Variants in NLRP12 observed in about 807,000 individuals in gnomAD.
The protein encoded by NLRP12 is NACHT, LRR and PYD domains-containing protein 12.
Under a neutral mutation model 91.2 loss-of-function variants are expected in NLRP12, and 108 were observed. The ratio of observed to expected loss-of-function variants is 1.18; its 90% confidence interval spans 1.01 to 1.39. NLRP12 has a LOEUF of 1.39. NLRP12 is among the 40% of genes most tolerant of loss of function. The probability of loss-of-function intolerance (pLI) is 0.00; values close to 1 mark genes in which losing one functional copy is unlikely to be tolerated. For missense variants in NLRP12, 1,530 were observed against 1,352.7 expected, an observed-to-expected ratio of 1.13 and a Z score of -2.06; for synonymous variants, 613 against 566.7, an observed-to-expected ratio of 1.08 and a Z score of -1.16.
At chr19:53,815,910 ACT>A (rs1161186055) in intron 1 of NLRP12, among the ~76,000 whole-genome samples, 1 of 147,774 alleles carries the variant, frequency 6.8e-6, no homozygotes, top group Non-Finnish European at 1.5e-5. Flanking sequence ...GCGCCTGGCG[ACT>A]CTGTCTCTTA....
intron 4 of NLRP12, 61 bp downstream of exon 4, chr19:53,807,434 T>C (rs573159490): frequency 6.6e-7 from 1 of 1,516,956 alleles, no homozygotes; most frequent in South Asian, 1.2e-5. Context: ...CCTTTGTGAC[T>C]GATCCCCATG....
rs983609397 is a variant in NLRP12, at chr19:53,793,981, G to C, written c.*68C>G. On this transcript the variant is annotated 3_prime_UTR_variant, in exon 10 of 10. Coordinates refer to ENST00000324134, the MANE Select transcript of NLRP12 (RefSeq NM_144687.4). Reference sequence around the variant, plus strand: ...GGAAGGAGGCTGATCATTATGCTGGGGGGGTGATGAGCACCCTCCCATCTT... The same window carrying C: ...GGAAGGAGGCTGATCATTATGCTGGCGGGGTGATGAGCACCCTCCCATCTT... 7.5e-5 allele frequency: 78 copies of C among 1,046,928 alleles called. No homozygotes were observed. The highest frequency in any genetic ancestry group is 2.7e-4 in the African/African-American group (17 of 63,840). 64.9% of individuals were successfully genotyped at this position (1,046,928 alleles called of 1,614,324 possible).
At chr19:53,818,172 C>T (rs1162898934) in intron 1 of NLRP12, among the ~76,000 whole-genome samples, 1 of 151,796 alleles carries the variant, frequency 6.6e-6, no homozygotes, top group African/African-American at 2.4e-5. Flanking sequence ...CAGCCTTCAC[C>T]TCCTGGGCTT....
intron 8 of NLRP12, 122 bp downstream of exon 8, chr19:53,798,121 T>C (rs926034478): frequency 5.4e-6 from 6 of 1,120,922 alleles, no homozygotes; most frequent in African/African-American, 4.6e-5. Flanking sequence ...CCACCTCTCT[T>C]CTTGCTACCT....
chr19:53,793,844 C>G lies in NLRP12; in HGVS notation c.*205G>C, dbSNP rs564145946. ...TCGTGATCCACCTGCCTCGGCCTCT[C>G]GAAGTGCTAGGATTACATACATGAG... On this transcript the variant is annotated 3_prime_UTR_variant, in exon 10 of 10. Coordinates refer to ENST00000324134, the MANE Select transcript of NLRP12 (RefSeq NM_144687.4). 3.1e-6 allele frequency: 2 copies of G among 645,504 alleles called. No homozygotes were observed. Among genetic ancestry groups the G allele is most frequent in the Admixed American group, 2.3e-5 (1 of 44,302 alleles). 40.0% of individuals were successfully genotyped at this position (645,504 alleles called of 1,614,324 possible). A position where few individuals can be genotyped will look rare whatever the true frequency, so the allele number is the denominator to read the frequency against.
intron 1 of NLRP12, among the ~76,000 whole-genome samples, chr19:53,817,907 G>A (rs888683920): frequency 6.7e-5 from 10 of 148,834 alleles, no homozygotes; most frequent in African/African-American, 2.5e-4. Context: ...CTCAGCCTCC[G>A]GAGTAGCTGG....
chr19:53,799,052 G>A (rs1473159726), intron 7 of NLRP12, among the ~76,000 whole-genome samples: 1 of 128,874 alleles, frequency 7.8e-6, no homozygotes, highest in Admixed American at 9.4e-5. Flanking sequence ...TTGCAATGTC[G>A]CCCAGGCTGG....
Position 53,811,255 on chromosome 19 carries a change from C to T in NLRP12, c.404G>A (p.Arg135Lys). Residue 135 changes from arginine to lysine, a missense_variant, in exon 3 of 10, where the codon AGG (arginine) becomes AAG (lysine). Arg to Lys is a conservative substitution (Grantham distance 26). Transcript: ENST00000324134. ...GCGGTCTTCCATGAGCCGGAATTTCCTGCGGACATAGTCCCTGTAGGTTTC... is the reference window on the plus strand; with the variant it reads ...GCGGTCTTCCATGAGCCGGAATTTCTTGCGGACATAGTCCCTGTAGGTTTC... ...PQETYRDYVR[R>K]KFRLMEDRNA... The T allele has an allele frequency of 6.2e-7, 1 of 1,614,036 alleles. No individual in the cohort carries two copies. Among genetic ancestry groups the T allele is most frequent in the South Asian group, 1.1e-5 (1 of 91,086 alleles).
At chr19:53,819,999 T>G (rs1400854312) in intron 1 of NLRP12, among the ~76,000 whole-genome samples, 2 of 152,098 alleles carry the variant, frequency 1.3e-5, no homozygotes, top group African/African-American at 4.8e-5. Flanking sequence ...CCCAGCACAC[T>G]ACTACTGGCA....
intron 9 of NLRP12, among the ~76,000 whole-genome samples, chr19:53,795,379 AATT>A (rs1387166539): frequency 1.9e-5 from 2 of 104,998 alleles, no homozygotes; most frequent in African/African-American, 7.8e-5. Context: ...CAGACAAGGA[AATT>A]TTTTTTTTTT....
chr19:53,794,221 TG>T, intron 9 of NLRP12, 85 bp from the exon 10 acceptor site: 1 of 921,122 alleles, frequency 1.1e-6, no homozygotes. Flanking sequence ...TGCACTACCG[TG>T]GTAAGATAAT....
chr19:53,810,995 C>T lies in NLRP12; in HGVS notation c.664G>A (p.Gly222Ser), dbSNP rs1363429330. Reference protein sequence around the residue: ...TVVMQGAAGIGKSMLAHKVML... With the variant: ...TVVMQGAAGISKSMLAHKVML... ...ACCTTGTGTGCCAGCATGGACTTGC[C>T]TATCCCTGCCGCGCCTTGCATGACC... Residue 222 changes from glycine to serine, a missense_variant, in exon 3 of 10, where the codon GGC becomes AGC. Transcript: ENST00000324134. 7.4e-6 allele frequency: 12 copies of T among 1,614,024 alleles called. No homozygotes were observed. The African/African-American group carries it at 1.3e-4, about 18-fold the overall frequency.
chr19:53,807,931 G>A (rs1466432436), intron 3 of NLRP12: 4 of 442,186 alleles, frequency 9.0e-6, no homozygotes, highest in African/African-American at 2.0e-5. Flanking sequence ...TGTATTTTTA[G>A]TAGAGATGGG....
At chr19:53,801,503 A>AT in intron 6 of NLRP12, 106 bp from the exon 7 acceptor site, 1 of 1,437,444 alleles carries the variant, frequency 7.0e-7, no homozygotes, top group Non-Finnish European at 9.2e-7. Flanking sequence ...CCAGGCTGGA[A>AT]TGCAGTGGTG....
chr19:53,794,067 A>ATAAGGTTTTGTTACTC lies in NLRP12; in HGVS notation c.3152_3167dup (p.Tyr1056Ter). 2 of 1,613,748 alleles carry ATAAGGTTTTGTTACTC rather than the reference A, an allele frequency of 1.2e-6. No homozygotes were observed. Among genetic ancestry groups the ATAAGGTTTTGTTACTC allele is most frequent in the Non-Finnish European group, 1.7e-6 (2 of 1,179,664 alleles). On this transcript the variant is annotated stop_gained and frameshift_variant, in exon 10 of 10. Coordinates refer to ENST00000324134, the MANE Select transcript of NLRP12 (RefSeq NM_144687.4). LOFTEE classifies it high-confidence loss of function. ...GGACCATTCAGCAGCCAATGTCCAAATAAGGTTTTGTTACTCGAAGCGCTG... is the reference window on the plus strand; with the variant it reads ...GGACCATTCAGCAGCCAATGTCCAAATAAGGTTTTGTTACTCTAAGGTTTTGTTACTCGAAGCGCTG...
Position 53,807,516 on chromosome 19 carries a change from T to A in NLRP12, c.2222A>T (p.Asn741Ile), listed in dbSNP as rs548804330. The change falls in exon 4 of 10, where the codon AAC (asparagine) becomes ATC (isoleucine). Residue 741 changes from asparagine (N) to isoleucine (I), a missense_variant. By Grantham distance (149) the Asn-to-Ile change is moderately radical (BLOSUM62 -3). Coordinates refer to ENST00000324134, the MANE Select transcript of NLRP12 (RefSeq NM_144687.4). The stretch of plus-strand genomic sequence containing the variant: ...TCACCTCAGGTTCTGAAGTTTGCAG[T>A]TGGGGTGTCTGAGTCCTTGACAGAG... ...KLLCQGLRHPNCKLQNLRLKR... is the reference protein window; with the variant it reads ...KLLCQGLRHPICKLQNLRLKR... The A allele has an allele frequency of 1.9e-6, 3 of 1,614,054 alleles. No homozygotes were observed. Among genetic ancestry groups the A allele is most frequent in the East Asian group, 4.5e-5 (2 of 44,868 alleles).
chr19:53,803,998 G>T lies in NLRP12; in HGVS notation c.2539C>A (p.Leu847Ile), dbSNP rs756752567. 6.2e-7 allele frequency: 1 copy of T among 1,614,150 alleles called. No homozygotes were observed. Among genetic ancestry groups the T allele is most frequent in the Admixed American group, 1.7e-5 (1 of 59,998 alleles). ...NALEDLGLRL[L>I]CQGLRHPVCR... ...ACTGGGTGCCTCAGTCCCTGGCATA[G>T]TAACCTCAGGCCCAAATCCTCCAGT... The change falls in exon 6 of 10, where the codon CTA becomes ATA. Residue 847 changes from leucine to isoleucine, a missense_variant. Leu to Ile is a conservative substitution (Grantham distance 5). Coordinates refer to ENST00000324134, the MANE Select transcript of NLRP12 (RefSeq NM_144687.4).
chr19:53,805,394 A>C lies in NLRP12; in HGVS notation c.2300T>G (p.Ile767Arg), dbSNP rs1335077713. The change falls in exon 5 of 10, where the codon ATA (isoleucine) becomes AGA (arginine). Residue 767 changes from isoleucine (I) to arginine (R), a missense_variant. By Grantham distance (97) the Ile-to-Arg change is moderately conservative. Transcript: ENST00000324134. ...SACEDLSAAL[I>R]ANKNLTRMDL... ...CATCCTTGTCAAATTCTTATTGGCT[A>C]TGAGAGCTGCAGAGAGGTCCTCGCA... 3 of 1,614,068 alleles carry C rather than the reference A, an allele frequency of 1.9e-6. No individual in the cohort carries two copies. Among genetic ancestry groups the C allele is most frequent in the Non-Finnish European group, 2.5e-6 (3 of 1,179,996 alleles).
Position 53,810,200 on chromosome 19 carries a change from C to T in NLRP12, c.1459G>A (p.Asp487Asn), listed in dbSNP as rs745752604. 4 of 1,614,080 alleles carry T rather than the reference C, an allele frequency of 2.5e-6. No individual in the cohort carries two copies. Among genetic ancestry groups the T allele is most frequent in the South Asian group, 2.2e-5 (2 of 91,092 alleles). ...EEQDLRKHGL[D>N]GEDVSAFLNM... ...AGGAAGGCAGAGACGTCTTCCCCGT[C>T]TAGGCCGTGCTTCCGGAGGTCCTGC... The change falls in exon 3 of 10, where the codon GAC (aspartate) becomes AAC (asparagine). Residue 487 changes from aspartate (D) to asparagine (N), a missense_variant. Physicochemically the swap from Asp to Asn is conservative, Grantham distance 23. Transcript: ENST00000324134.
Sources: gnomAD v4.1 joint callset for allele counts (sites outside exome capture counted in the v4.1 genomes callset) on GRCh38, gnomAD v4.1.1 for gene constraint, MANE v1.5 for transcripts, NCBI Gene and HGNC (gene_info 2026-07-23, HGNC 2026-07-21) for gene names.